The following AGAP1 variants were observed in gnomAD, a reference collection of about 807,000 sequenced individuals.
The protein encoded by AGAP1 is ArfGAP with GTPase domain, ankyrin repeat and PH domain 1.
Under a neutral mutation model 105.3 loss-of-function variants are expected in AGAP1, and 29 were observed. That is an observed-to-expected ratio of 0.28 (90% CI 0.21 to 0.38). The LOEUF is 0.38. Ranked by LOEUF, AGAP1 falls within the 10% of genes least tolerant of loss-of-function variation. AGAP1 has a pLI of 1.00. For missense variants in AGAP1, 998 were observed against 1,165.1 expected (o/e 0.86, Z 2.09); for synonymous variants, 509 against 485.9 (o/e 1.05, Z -0.63).
chr2:235,591,914 C>T (rs1360541256), intron 1 of AGAP1, among the ~76,000 whole-genome samples: 8 of 150,210 alleles, frequency 5.3e-5, no homozygotes, highest in Non-Finnish European at 1.0e-4. Context: ...GCTCCCCCTT[C>T]GTCTTCCCAC....
intron 1 of AGAP1, among the ~76,000 whole-genome samples, chr2:235,676,068 T>C (rs1294188718): frequency 1.3e-5 from 2 of 152,226 alleles, no homozygotes; most frequent in African/African-American, 4.8e-5. Context: ...ATATATTGCA[T>C]GTTTATGGTG....
At chr2:235,828,489 T>C (rs12478435) in intron 9 of AGAP1, among the ~76,000 whole-genome samples, 96,107 of 152,058 alleles carry the variant, frequency 0.63, 34,079 homozygotes, top group East Asian at 0.95. Context: ...CTAACACTTA[T>C]GCATTGTATG....
At chr2:235,803,289 A>G (rs1457671982) in intron 8 of AGAP1, among the ~76,000 whole-genome samples, 1 of 152,200 alleles carries the variant, frequency 6.6e-6, no homozygotes, top group African/African-American at 2.4e-5. Context: ...GTGTCATCCA[A>G]GGAACAAAAA....
At chr2:235,618,599 A>C (rs753769776) in intron 1 of AGAP1, among the ~76,000 whole-genome samples, 5 of 152,202 alleles carry the variant, frequency 3.3e-5, no homozygotes, top group Admixed American at 6.5e-5. Flanking sequence ...CTTTTTATTA[A>C]GGTCCATTTT....
chr2:235,497,344 AG>A (rs1941360339), intron 1 of AGAP1, among the ~76,000 whole-genome samples: 2 of 152,184 alleles, frequency 1.3e-5, no homozygotes, highest in South Asian at 4.1e-4. Flanking sequence ...GTAACTGCAG[AG>A]GGCTCCCTGC....
At position 235,992,817 on chromosome 2, in the gene AGAP1, GT is replaced by G. The variant is rs2055628459; in HGVS notation, c.1645+24197del. Among the ~76,000 whole-genome samples, 2 of 152,290 alleles carry G rather than the reference GT, an allele frequency of 1.3e-5. No homozygotes were observed. The highest frequency in any genetic ancestry group is 1.9e-4 in the East Asian group (1 of 5,168). On this transcript the variant is annotated intron_variant, in intron 13 of 17. Transcript: ENST00000304032. This position sits in a 1 kb window ranked among gnomAD's most constrained non-coding sequence, Gnocchi z 4.8. ...TGCTGCTCTTTGGGGTAGACCAGCC[GT>G]TTCCACGCACAGGCTGCACATTGTT...
At chr2:235,649,557 A>C (rs949432621) in intron 1 of AGAP1, among the ~76,000 whole-genome samples, 4 of 152,104 alleles carry the variant, frequency 2.6e-5, no homozygotes, top group Non-Finnish European at 4.4e-5. Context: ...TATTTTGTAG[A>C]GATGGGGTCT....
At chr2:235,597,585 C>G (rs1352935439) in intron 1 of AGAP1, among the ~76,000 whole-genome samples, 1 of 152,220 alleles carries the variant, frequency 6.6e-6, no homozygotes, top group Non-Finnish European at 1.5e-5. Flanking sequence ...ACAATTGATA[C>G]TATTATTATT....
At chr2:235,833,850 A>G (rs750006654) in intron 9 of AGAP1, among the ~76,000 whole-genome samples, 11 of 134,412 alleles carry the variant, frequency 8.2e-5, no homozygotes, top group Admixed American at 2.6e-4. Flanking sequence ...CAATCCTCCA[A>G]TCTGGTTTTT....
rs1383242320 is a variant in AGAP1 at position 235,689,344 on chromosome 2, G to A, written c.164-19835G>A. Among the ~76,000 whole-genome samples the A allele has an allele frequency of 1.3e-5, 2 of 152,258 alleles. No individual in the cohort carries two copies. Among genetic ancestry groups the A allele is most frequent in the Non-Finnish European group, 2.9e-5 (2 of 68,048 alleles). ...AGCTCACCACGCGGGCCTGGAGTGA[G>A]CCTGCTGCTGTTCATCGGCCCGTAG... is the stretch of plus-strand genomic sequence containing the variant. On this transcript the variant is annotated intron_variant, in intron 1 of 17. Transcript: ENST00000304032. This position sits in a 1 kb window ranked among gnomAD's most constrained non-coding sequence, Gnocchi z 4.2.
chr2:235,834,169 C>T (rs1435612840), intron 9 of AGAP1, among the ~76,000 whole-genome samples: 3 of 152,102 alleles, frequency 2.0e-5, no homozygotes, highest in South Asian at 2.1e-4. Context: ...GTCAGATGGG[C>T]GCCCCATGTG....
chr2:235,968,608 T>C lies in AGAP1; in HGVS notation c.1630T>C (p.Ser544Pro). 6.3e-7 allele frequency: 1 copy of C among 1,599,334 alleles called. No individual in the cohort carries two copies. Among genetic ancestry groups the C allele is most frequent in the Non-Finnish European group, 8.5e-7 (1 of 1,173,158 alleles). Residue 544 changes from serine (S) to proline (P), a missense_variant, in exon 13 of 18, where the codon TCC becomes CCC. Ser to Pro is a moderately conservative substitution (Grantham distance 74). Around this residue, in one of 3 missense-constraint regions of AGAP1, gnomAD observed 735 missense variants for 833.4 expected, o/e 0.88. Coordinates refer to ENST00000304032, the MANE Select transcript of AGAP1 (RefSeq NM_001037131.3). ...TAGCAACTTCAAAGCCGACGGCCTG[T>C]CCGGCACTGCTGAAGGTAAGGGTTC... ...STSNFKADGL[S>P]GTAEEQEENF... is the part of the protein sequence containing the mutation.
rs1458434348 is a variant in AGAP1 at position 235,608,532 on chromosome 2, G to A, written c.164-100647G>A. Among the ~76,000 whole-genome samples, 3 of 152,268 alleles carry A rather than the reference G, an allele frequency of 2.0e-5. No individual in the cohort carries two copies. Among genetic ancestry groups the A allele is most frequent in the Admixed American group, 2.0e-4 (3 of 15,304 alleles). ...GCCCAGCGTTGGGCTGGGACCCTCT[G>A]CCTCTCCCAGTGAGACCAACCCTGC... is the stretch of plus-strand genomic sequence containing the variant. On this transcript the variant is annotated intron_variant, in intron 1 of 17. Coordinates refer to ENST00000304032, the MANE Select transcript of AGAP1 (RefSeq NM_001037131.3). The surrounding 1 kb of genome is among the most constrained non-coding windows in gnomAD (Gnocchi z 5.4).
At chr2:235,687,697 C>T (rs1240722351) in intron 1 of AGAP1, among the ~76,000 whole-genome samples, 1 of 152,160 alleles carries the variant, frequency 6.6e-6, no homozygotes, top group East Asian at 1.9e-4. Context: ...ATGCCACCTT[C>T]GTTCAGATCA....
At chr2:235,531,608 CTTTT>C (rs529337320) in intron 1 of AGAP1, among the ~76,000 whole-genome samples, 1 of 135,292 alleles carries the variant, frequency 7.4e-6, no homozygotes. Flanking sequence ...GTAGCTTTGC[CTTTT>C]TTTTTTTTTT....
At chr2:236,077,023 T>A (rs2058652311) in intron 16 of AGAP1, among the ~76,000 whole-genome samples, 1 of 148,936 alleles carries the variant, frequency 6.7e-6, no homozygotes, top group African/African-American at 2.5e-5. Context: ...GGCGGGAGGA[T>A]CGCTTGAGTC....
At position 236,121,005 on chromosome 2, in the gene AGAP1, C is replaced by T. The variant is rs188019410; in HGVS notation, c.2370+558C>T. 4.7e-3 allele frequency among the ~76,000 whole-genome samples: 712 copies of T among 152,358 alleles called. 3 individuals carry two copies. The highest frequency in any genetic ancestry group is 0.016 in the African/African-American group (682 of 41,596). On this transcript the variant is annotated intron_variant, in intron 17 of 17. Transcript: ENST00000304032. This position sits in a 1 kb window ranked among gnomAD's most constrained non-coding sequence, Gnocchi z 4.9. The stretch of plus-strand genomic sequence containing the variant: ...GCAGAGAGGCCCTGCCTGTGCCACC[C>T]AGGAGCTACGTCTGAGAAGCCACGC...
Position 235,994,153 on chromosome 2 carries a change from A to G in AGAP1, c.1645+25530A>G, listed in dbSNP as rs538195999. Among the ~76,000 whole-genome samples, 40 of 152,300 alleles carry G rather than the reference A, an allele frequency of 2.6e-4. No homozygotes were observed. The highest frequency in any genetic ancestry group is 9.1e-4 in the African/African-American group (38 of 41,566). ...CTCTTTCTGTATTCCCCAAAGCTTCATAACATGGTTCCATATGTGTCCTTT... is the reference window on the plus strand; with the variant it reads ...CTCTTTCTGTATTCCCCAAAGCTTCGTAACATGGTTCCATATGTGTCCTTT... On this transcript the variant is annotated intron_variant, in intron 13 of 17. Coordinates refer to ENST00000304032, the MANE Select transcript of AGAP1 (RefSeq NM_001037131.3). The surrounding 1 kb of genome is among the most constrained non-coding windows in gnomAD (Gnocchi z 4.4).
chr2:235,764,341 C>T (rs1954733271), intron 6 of AGAP1, among the ~76,000 whole-genome samples: 2 of 152,248 alleles, frequency 1.3e-5, no homozygotes, highest in East Asian at 1.9e-4. Flanking sequence ...GAGCTGTGGC[C>T]CACCACGGTC....
Sources: gnomAD v4.1 joint callset for allele counts (sites outside exome capture counted in the v4.1 genomes callset) on GRCh38, gnomAD v4.1.1 for gene constraint, gnomAD v4.1.1 regional missense constraint, Gnocchi (gnomAD v3.1) non-coding constraint, MANE v1.5 for transcripts, NCBI Gene and HGNC (gene_info 2026-07-23, HGNC 2026-07-21) for gene names.